DNAI4: variants seen among roughly 807,000 people sequenced by gnomAD.
DNAI4 encodes the protein WD repeat domain 78.
Under a neutral mutation model 105.8 loss-of-function variants are expected in DNAI4, and 85 were observed. The observed-to-expected ratio is 0.80, with a 90% CI of 0.67 to 0.96. The LOEUF (loss-of-function observed/expected upper bound fraction) is 0.96, where lower values mean the gene tolerates loss of function less well. Ranked by LOEUF, DNAI4 falls within the 40% of genes least tolerant of loss-of-function variation. The probability of loss-of-function intolerance (pLI) is 0.00; values close to 1 mark genes in which losing one functional copy is unlikely to be tolerated. For synonymous variants in DNAI4, 352 were observed against 331.5 expected, an observed-to-expected ratio of 1.06 and a Z score of -0.67; for missense variants, 1,014 against 1,005.6, an observed-to-expected ratio of 1.01 and a Z score of -0.11.
intron 16 of DNAI4, among the ~76,000 whole-genome samples, chr1:66,817,589 A>G (rs1274527153): frequency 1.3e-5 from 2 of 152,168 alleles, no homozygotes; most frequent in Non-Finnish European, 2.9e-5. Flanking sequence ...AAAAAGAAAA[A>G]AAAAAACGGA....
In DNAI4 at chr1:66,827,087, C is replaced by T. The variant is rs748312059; in HGVS notation, c.2113-41G>A. On this transcript the variant is annotated intron_variant, in intron 14 of 16. Transcript: ENST00000371026. ...AAATACATAGGTAAATAATATTTAA[C>T]ATCTTTTATTTTAAACTTGACCAGC... 4.7e-6 allele frequency: 7 copies of T among 1,494,016 alleles called. No homozygotes were observed. In the East Asian group the frequency reaches 1.4e-4, roughly 30 times the overall value. The allele number at this position is 1,494,016 out of a possible 1,614,324, so 92.5% of individuals were successfully genotyped here.
chr1:66,841,618 GTC>G (rs1427249915), intron 8 of DNAI4, among the ~76,000 whole-genome samples: 1 of 152,118 alleles, frequency 6.6e-6, no homozygotes, highest in East Asian at 1.9e-4. Context: ...CAATCCTCAT[GTC>G]TCAGCCTCCC....
intron 13 of DNAI4, among the ~76,000 whole-genome samples, chr1:66,830,411 AG>A (rs1404415292): frequency 6.6e-6 from 1 of 152,108 alleles, no homozygotes; most frequent in Non-Finnish European, 1.5e-5. Context: ...AGGCCAGGGC[AG>A]GAGGATCACT....
intron 1 of DNAI4, among the ~76,000 whole-genome samples, chr1:66,921,677 A>C (rs1650489099): frequency 6.6e-6 from 1 of 152,210 alleles, no homozygotes; most frequent in African/African-American, 2.4e-5. Flanking sequence ...TTACATTAAA[A>C]TTTCTATACC....
rs370647316 is a variant in DNAI4, at chr1:66,847,500, C to T, written c.1275G>A (p.Gln425=). The change falls in exon 8 of 17, where the codon CAG becomes CAA. Residue 425 remains glutamine, a synonymous_variant. Transcript: ENST00000371026. The part of the protein sequence containing the change: ...IFQPKLAAYR[Q]LPVLKEPEPE... Reference sequence around the variant, plus strand: ...TTTAAATACCTTTTAAAACAGGAAGCTGACGATAAGCTGCAAGTTTGGGCT... The same window carrying T: ...TTTAAATACCTTTTAAAACAGGAAGTTGACGATAAGCTGCAAGTTTGGGCT... The T allele has an allele frequency of 3.1e-6, 5 of 1,612,686 alleles. No homozygotes were observed. The African/African-American group carries it at 6.7e-5, about 22-fold the overall frequency.
chr1:66,921,874 G>A (rs1056993785), intron 1 of DNAI4, among the ~76,000 whole-genome samples: 3 of 150,386 alleles, frequency 2.0e-5, no homozygotes, highest in African/African-American at 4.9e-5. Flanking sequence ...GAATAAGCAG[G>A]TACACAATAA....
At chr1:66,835,814 G>A (rs1645974008) in intron 10 of DNAI4, 37 bp from the exon 11 acceptor site, 4 of 1,587,458 alleles carry the variant, frequency 2.5e-6, no homozygotes, top group East Asian at 2.2e-5. Context: ...ATTTGTTTTT[G>A]TAGACCACAG....
rs553320077 is a variant in DNAI4, at chr1:66,823,104, C to T, written c.2340-587G>A. ...CCCCAGAGTGTGATGTTCCCCTTCC[C>T]GTGTCCATGTGTTCTCATTGTTCAG... On this transcript the variant is annotated intron_variant, in intron 15 of 16. Transcript: ENST00000371026. Among the ~76,000 whole-genome samples the T allele has an allele frequency of 6.5e-4, 96 of 147,554 alleles. 1 individual carries two copies. Among genetic ancestry groups the T allele is most frequent in the Middle Eastern group, 7.0e-3 (2 of 286 alleles).
At chr1:66,904,573 A>G (rs1450123231) in intron 2 of DNAI4, among the ~76,000 whole-genome samples, 2 of 152,170 alleles carry the variant, frequency 1.3e-5, no homozygotes, top group African/African-American at 4.8e-5. Context: ...CATTCTAGTT[A>G]TAAATATTTT....
At chr1:66,869,439 A>G (rs1370427416) in intron 6 of DNAI4, among the ~76,000 whole-genome samples, 2 of 152,264 alleles carry the variant, frequency 1.3e-5, no homozygotes, top group South Asian at 2.1e-4. Context: ...GGAAAAAAAT[A>G]TGAATAGGTT....
intron 7 of DNAI4, among the ~76,000 whole-genome samples, chr1:66,851,892 ATAAACT>A (rs1371301437): frequency 1.3e-5 from 2 of 151,928 alleles, no homozygotes; most frequent in East Asian, 1.9e-4. Context: ...AAAGAGCAAA[ATAAACT>A]TAAAGCAATG....
chr1:66,879,679 T>C (rs991640024), intron 4 of DNAI4, among the ~76,000 whole-genome samples: 1 of 152,240 alleles, frequency 6.6e-6, no homozygotes, highest in Non-Finnish European at 1.5e-5. Flanking sequence ...TTTCTCCACA[T>C]CTTTGCCAGC....
intron 3 of DNAI4, among the ~76,000 whole-genome samples, 154 bp downstream of exon 3, chr1:66,893,059 GAGAGAGAAAGAAAGAA>G (rs1557965261): frequency 8.8e-5 from 5 of 56,498 alleles, no homozygotes; most frequent in Non-Finnish European, 1.1e-4. Context: ...AAGAAAGAGA[GAGAGAGAAAGAAAGAA>G]AGAAAGAAAG....
At position 66,836,257 on chromosome 1, in the gene DNAI4, AAAGAAAG is replaced by A. The variant is rs1344433496; in HGVS notation, c.1582-487_1582-481del. On this transcript the variant is annotated intron_variant, in intron 10 of 16. Coordinates refer to ENST00000371026, the MANE Select transcript of DNAI4 (RefSeq NM_024763.5). The stretch of plus-strand genomic sequence containing the variant: ...GAGAAAGAAAGAAAGAGAGAGAGAG[AAAGAAAG>A]AAAGAAAGAAAGAAAGAAAGAAAGA... Among the ~76,000 whole-genome samples the A allele has an allele frequency of 4.4e-3, 32 of 7,290 alleles. 1 individual carries two copies. In the East Asian group the frequency reaches 0.096, roughly 22 times the overall value. 4.8% of individuals were successfully genotyped at this position (7,290 alleles called of 152,430 possible). A position where few individuals can be genotyped will look rare whatever the true frequency, so the allele number is the denominator to read the frequency against.
rs565741168 is a variant in DNAI4 at position 66,832,665 on chromosome 1, G to T, written c.2013+920C>A. On this transcript the variant is annotated intron_variant, in intron 13 of 16. Transcript: ENST00000371026. ...TGTACACTTTAAGAGAACTAAAAGA[G>T]TATAATTGGATTGTTTGTAACACAA... is the stretch of plus-strand genomic sequence containing the variant. Among the ~76,000 whole-genome samples the T allele has an allele frequency of 8.5e-5, 13 of 152,240 alleles. No homozygotes were observed. The South Asian group carries it at 1.5e-3, about 17-fold the overall frequency.
chr1:66,844,602 A>G (rs887268033), intron 8 of DNAI4, among the ~76,000 whole-genome samples: 47 of 152,094 alleles, frequency 3.1e-4, no homozygotes, highest in African/African-American at 1.1e-3. Flanking sequence ...TCCAATATAG[A>G]TAGTAGACCT....
chr1:66,818,204 AC>A (rs1193374115), intron 16 of DNAI4, among the ~76,000 whole-genome samples: 4 of 151,998 alleles, frequency 2.6e-5, no homozygotes, highest in African/African-American at 9.7e-5. Flanking sequence ...ATTGATTTAG[AC>A]TTACAATCAT....
intron 1 of DNAI4, 27 bp from the exon 2 acceptor site, chr1:66,905,402 C>A: frequency 7.3e-7 from 1 of 1,366,606 alleles, no homozygotes; most frequent in South Asian, 2.0e-5. Flanking sequence ...AAATATAATG[C>A]AAAGGATTCA....
intron 1 of DNAI4, among the ~76,000 whole-genome samples, 192 bp from the exon 2 acceptor site, chr1:66,905,567 TCTC>T (rs1649180087): frequency 6.6e-6 from 1 of 152,164 alleles, no homozygotes; most frequent in Non-Finnish European, 1.5e-5. Context: ...TACATCACTT[TCTC>T]CTCATAATTC....
Sources: gnomAD v4.1 joint callset for allele counts (sites outside exome capture counted in the v4.1 genomes callset) on GRCh38, gnomAD v4.1.1 for gene constraint, MANE v1.5 for transcripts, NCBI Gene and HGNC (gene_info 2026-07-23, HGNC 2026-07-21) for gene names.